HOOK3: variants seen among roughly 807,000 people sequenced by gnomAD.
HOOK3 encodes protein Hook homolog 3.
HOOK3 carries 24 observed loss-of-function variants against 116.3 expected under a neutral mutation model. The ratio of observed to expected loss-of-function variants is 0.21; its 90% confidence interval spans 0.15 to 0.29. The LOEUF (loss-of-function observed/expected upper bound fraction) is 0.29, where lower values mean the gene tolerates loss of function less well. HOOK3 is among the 10% of genes least tolerant of loss of function. The probability of loss-of-function intolerance (pLI) is 1.00; values close to 1 mark genes in which losing one functional copy is unlikely to be tolerated. For synonymous variants in HOOK3, 275 were observed against 283.0 expected, an observed-to-expected ratio of 0.97 and a Z score of 0.28; for missense variants, 632 against 830.2, an observed-to-expected ratio of 0.76 and a Z score of 2.93.
chr8:42,995,933 C>A (rs773068), intron 15 of HOOK3, among the ~76,000 whole-genome samples: 38,781 of 151,914 alleles, frequency 0.26, 7,119 homozygotes, highest in African/African-American at 0.51. Context: ...CTTTTTGATA[C>A]TATCTTCCAT....
intron 13 of HOOK3, among the ~76,000 whole-genome samples, chr8:42,978,546 G>A (rs1251114251): frequency 6.6e-6 from 1 of 152,062 alleles, no homozygotes; most frequent in African/African-American, 2.4e-5. Flanking sequence ...GAGTACCTGG[G>A]ATTACAGGCA....
chr8:43,025,482 G>A lies in HOOK3; in HGVS notation c.*6984G>A, dbSNP rs1809917504. The A allele has an allele frequency of 4.7e-6, 1 of 213,470 alleles. No homozygotes were observed. Among genetic ancestry groups the A allele is most frequent in the African/African-American group, 2.3e-5 (1 of 44,276 alleles). 13.2% of individuals were successfully genotyped at this position (213,470 alleles called of 1,614,324 possible). A position where few individuals can be genotyped will look rare whatever the true frequency, so the allele number is the denominator to read the frequency against. ...CTAAACAGATGTTCCCAAAGCAATAGTTTGCCTAAAATCCTCTGTATTACA... is the reference window on the plus strand; with the variant it reads ...CTAAACAGATGTTCCCAAAGCAATAATTTGCCTAAAATCCTCTGTATTACA... On this transcript the variant is annotated 3_prime_UTR_variant, in exon 22 of 22. Coordinates refer to ENST00000307602, the MANE Select transcript of HOOK3 (RefSeq NM_032410.4).
chr8:42,901,060 ATAG>A (rs1430047947), intron 1 of HOOK3, among the ~76,000 whole-genome samples: 1 of 152,212 alleles, frequency 6.6e-6, no homozygotes, highest in Non-Finnish European at 1.5e-5. Flanking sequence ...GCTATGTTTA[ATAG>A]TAGCATCCCA....
chr8:42,970,118 T>C (rs1011159274), intron 11 of HOOK3, among the ~76,000 whole-genome samples: 1 of 152,214 alleles, frequency 6.6e-6, no homozygotes, highest in African/African-American at 2.4e-5. Flanking sequence ...GGGTGTGAAG[T>C]AGGGATCCCT....
rs954993721 is a variant in HOOK3 at position 42,966,730 on chromosome 8, A to C, written c.920+117A>C. The C allele has an allele frequency of 3.9e-6, 4 of 1,027,900 alleles. No homozygotes were observed. In the South Asian group the frequency reaches 6.4e-5, roughly 16 times the overall value. 63.7% of individuals were successfully genotyped at this position (1,027,900 alleles called of 1,614,324 possible). ...CTACCTGGGCTGGGATCCCGGGTCT[A>C]CTGCTTATGCAACCTCTGTATGGCT... On this transcript the variant is annotated intron_variant, in intron 10 of 21. Coordinates refer to ENST00000307602, the MANE Select transcript of HOOK3 (RefSeq NM_032410.4).
chr8:42,902,677 C>A (rs1453305644), intron 1 of HOOK3, among the ~76,000 whole-genome samples: 1 of 152,146 alleles, frequency 6.6e-6, no homozygotes, highest in Non-Finnish European at 1.5e-5. Context: ...TTTTCTCATT[C>A]ATTCTGAAGC....
At chr8:42,919,548 G>A (rs573939590) in intron 2 of HOOK3, among the ~76,000 whole-genome samples, 10 of 152,282 alleles carry the variant, frequency 6.6e-5, no homozygotes, top group Non-Finnish European at 2.9e-5. Flanking sequence ...GGTGGCGGCC[G>A]GGCAGAGGCT....
At chr8:42,949,895 G>A (rs1350099693) in intron 5 of HOOK3, among the ~76,000 whole-genome samples, 3 of 150,310 alleles carry the variant, frequency 2.0e-5, no homozygotes, top group Non-Finnish European at 4.4e-5. Context: ...CCAGCCTGGC[G>A]ACAGAGTGAG....
Position 42,969,010 on chromosome 8 carries a change from A to G in HOOK3, c.1122+796A>G, listed in dbSNP as rs577648638. On this transcript the variant is annotated intron_variant, in intron 11 of 21. Coordinates refer to ENST00000307602, the MANE Select transcript of HOOK3 (RefSeq NM_032410.4). Reference sequence around the variant, plus strand: ...TTTTGCTCAGTGAGACTTGTTTATCATGATAGGTATAGCTTTATAACATTC... The same window carrying G: ...TTTTGCTCAGTGAGACTTGTTTATCGTGATAGGTATAGCTTTATAACATTC... 2.2e-3 allele frequency among the ~76,000 whole-genome samples: 337 copies of G among 152,298 alleles called. 3 individuals carry two copies. Among genetic ancestry groups the G allele is most frequent in the African/African-American group, 7.9e-3 (328 of 41,556 alleles).
Position 43,011,010 on chromosome 8 carries a change from T to C in HOOK3, c.1839+605T>C, listed in dbSNP as rs1403117741. Among the ~76,000 whole-genome samples, 4 of 151,850 alleles carry C rather than the reference T, an allele frequency of 2.6e-5. No individual in the cohort carries two copies. In the East Asian group the frequency reaches 5.8e-4, roughly 22 times the overall value. Reference sequence around the variant, plus strand: ...AGGGGGTCCATTTTCTTTTTTTTTTTGAGATGGAGTCTCGCTCTGTCGCCC... The same window carrying C: ...AGGGGGTCCATTTTCTTTTTTTTTTCGAGATGGAGTCTCGCTCTGTCGCCC... On this transcript the variant is annotated intron_variant, in intron 19 of 21. Transcript: ENST00000307602.
intron 16 of HOOK3, among the ~76,000 whole-genome samples, chr8:42,999,161 TAAATA>T (rs1393695319): frequency 6.6e-6 from 1 of 152,210 alleles, no homozygotes; most frequent in Admixed American, 6.5e-5. Context: ...CATTAAAACA[TAAATA>T]AAAGCATTTA....
Position 42,899,190 on chromosome 8 carries a change from G to A in HOOK3, c.57+2002G>A, listed in dbSNP as rs148522893. On this transcript the variant is annotated intron_variant, in intron 1 of 21. Transcript: ENST00000307602. ...AAAATATACAGGAGAAATCTTAGAA[G>A]TTTGAAGGCCTGCTGACAGAACCTG... Among the ~76,000 whole-genome samples the A allele has an allele frequency of 7.9e-5, 12 of 152,332 alleles. No individual in the cohort carries two copies. In the East Asian group the frequency reaches 2.3e-3, roughly 29 times the overall value.
intron 7 of HOOK3, 86 bp downstream of exon 7, chr8:42,957,242 C>A: frequency 1.5e-6 from 1 of 670,048 alleles, no homozygotes; most frequent in Admixed American, 3.1e-5. Flanking sequence ...GTTAAAATTG[C>A]TTTTTATTAT....
chr8:42,952,611 C>T (rs557828440), intron 6 of HOOK3, among the ~76,000 whole-genome samples: 2 of 152,278 alleles, frequency 1.3e-5, no homozygotes, highest in Admixed American at 1.3e-4. Flanking sequence ...GGAGTCATCT[C>T]CTTAGCTTAA....
At chr8:42,939,882 A>G (rs1808069928) in intron 4 of HOOK3, among the ~76,000 whole-genome samples, 2 of 137,444 alleles carry the variant, frequency 1.5e-5, no homozygotes, top group African/African-American at 2.8e-5. Context: ...ATCTCAGACG[A>G]TGGGCGGCCG....
chr8:42,973,265 A>C (rs1283606558), intron 11 of HOOK3, 24 bp from the exon 12 acceptor site: 1 of 1,587,952 alleles, frequency 6.3e-7, no homozygotes, highest in Non-Finnish European at 8.5e-7. Context: ...ATTATGTATA[A>C]GTAATGGTAT....
chr8:42,918,922 G>T (rs1807586637), intron 2 of HOOK3, among the ~76,000 whole-genome samples: 1 of 152,228 alleles, frequency 6.6e-6, no homozygotes, highest in Non-Finnish European at 1.5e-5. Flanking sequence ...CGTTCTCAAT[G>T]AGCTGTTGGG....
intron 15 of HOOK3, among the ~76,000 whole-genome samples, chr8:42,991,733 A>G (rs1162066646): frequency 6.6e-6 from 1 of 151,786 alleles, no homozygotes; most frequent in Non-Finnish European, 1.5e-5. Context: ...ACTTGGACAT[A>G]CTGAGTACTT....
Sources: gnomAD v4.1 joint callset for allele counts (sites outside exome capture counted in the v4.1 genomes callset) on GRCh38, gnomAD v4.1.1 for gene constraint, MANE v1.5 for transcripts, NCBI Gene and HGNC (gene_info 2026-07-23, HGNC 2026-07-21) for gene names.